Variants in KCNC2 observed in about 807,000 individuals in gnomAD.
KCNC2 encodes voltage-gated potassium channel KCNC2.
KCNC2 carries 21 observed loss-of-function variants against 44.5 expected under a neutral mutation model. The observed-to-expected ratio is 0.47, with a 90% CI of 0.33 to 0.68. The LOEUF is 0.68. KCNC2 is among the 30% of genes least tolerant of loss of function. The probability of loss-of-function intolerance (pLI) is 0.01; values close to 1 mark genes in which losing one functional copy is unlikely to be tolerated. For missense variants in KCNC2, 589 were observed against 826.2 expected, an observed-to-expected ratio of 0.71 and a Z score of 3.52; for synonymous variants, 391 against 339.1, an observed-to-expected ratio of 1.15 and a Z score of -1.68.
chr12:75,149,889 T>A (rs530294801), intron 2 of KCNC2, among the ~76,000 whole-genome samples: 1 of 151,878 alleles, frequency 6.6e-6, no homozygotes, highest in African/African-American at 2.4e-5. Flanking sequence ...TGAGACAAAT[T>A]CAGTAAAAAT....
At position 75,040,562 on chromosome 12, in the gene KCNC2, A is replaced by C. The variant is rs1879796600; in HGVS notation, c.*2543T>G. Reference sequence around the variant, plus strand: ...GTAATAATGATAAAAGACTTAAACTATGAATAATGTTGGTGAGTTCCATTT... The same window carrying C: ...GTAATAATGATAAAAGACTTAAACTCTGAATAATGTTGGTGAGTTCCATTT... On this transcript the variant is annotated 3_prime_UTR_variant, in exon 5 of 5. Coordinates refer to ENST00000549446, the MANE Select transcript of KCNC2 (RefSeq NM_139137.4). The C allele has an allele frequency of 6.5e-6, 1 of 153,296 alleles. No individual in the cohort carries two copies. The highest frequency in any genetic ancestry group is 6.5e-5 in the Admixed American group (1 of 15,432). The allele number at this position is 153,296 out of a possible 1,614,324, so 9.5% of individuals were successfully genotyped here. A position where few individuals can be genotyped will look rare whatever the true frequency, so the allele number is the denominator to read the frequency against.
At chr12:75,043,594 T>A in intron 4 of KCNC2, 1 of 1,238,356 alleles carries the variant, frequency 8.1e-7, no homozygotes, top group Non-Finnish European at 1.0e-6. Context: ...ATTTTTAAAT[T>A]TCAGAATGTA....
chr12:75,138,994 AAAAAAAAAAAAAC>A (rs1266641399), intron 2 of KCNC2, among the ~76,000 whole-genome samples: 4 of 122,816 alleles, frequency 3.3e-5, no homozygotes, highest in Non-Finnish European at 7.4e-5. Context: ...AAAAAAAAAA[AAAAAAAAAAAAAC>A]CAAGAAAGAA....
At chr12:75,060,327 A>T (rs1487892834) in intron 2 of KCNC2, among the ~76,000 whole-genome samples, 1 of 151,906 alleles carries the variant, frequency 6.6e-6, no homozygotes, top group Non-Finnish European at 1.5e-5. Context: ...CCTAGCTTTT[A>T]ATATGCTTTT....
intron 2 of KCNC2, among the ~76,000 whole-genome samples, chr12:75,116,157 G>A (rs1887645894): frequency 6.6e-6 from 1 of 152,188 alleles, no homozygotes; most frequent in African/African-American, 2.4e-5. Flanking sequence ...CTTTACAAAG[G>A]GAGCACAAAA....
chr12:75,083,557 A>G (rs1310578313), intron 2 of KCNC2, among the ~76,000 whole-genome samples: 1 of 151,956 alleles, frequency 6.6e-6, no homozygotes, highest in African/African-American at 2.4e-5. Flanking sequence ...TTTACTAAAA[A>G]TCTCCATCTT....
In KCNC2 at chr12:75,207,918, G is replaced by A. The variant is rs759469657; in HGVS notation, c.66C>T (p.Tyr22=). ...LNVGGTRHET[Y]RSTLKTLPGT... is the part of the protein sequence containing the mutation. ...CAGGCAGGGTCTTGAGGGTGCTGCG[G>A]TAGGTTTCGTGCCGGGTGCCCCCGA... is the stretch of plus-strand genomic sequence containing the variant. Residue 22 remains tyrosine (Y), a synonymous_variant, in exon 2 of 5, where the codon TAC becomes TAT. Coordinates refer to ENST00000549446, the MANE Select transcript of KCNC2 (RefSeq NM_139137.4). The surrounding 1 kb of genome is among the most constrained non-coding windows in gnomAD (Gnocchi z 4.1). 6.2e-7 allele frequency: 1 copy of A among 1,612,882 alleles called. No homozygotes were observed. The highest frequency in any genetic ancestry group is 8.5e-7 in the Non-Finnish European group (1 of 1,179,944).
In KCNC2 at chr12:75,042,928, G is replaced by T; in HGVS notation, c.*177C>A. 2 of 1,403,880 alleles carry T rather than the reference G, an allele frequency of 1.4e-6. No individual in the cohort carries two copies. Among genetic ancestry groups the T allele is most frequent in the South Asian group, 1.7e-5 (1 of 60,494 alleles). 87.0% of individuals were successfully genotyped at this position (1,403,880 alleles called of 1,614,324 possible). The stretch of plus-strand genomic sequence containing the variant: ...CTACTTTAGACAATCTTTAAAGCCT[G>T]GGTAAGATTCATTAGCTACCCAAGT... On this transcript the variant is annotated 3_prime_UTR_variant, in exon 5 of 5. Transcript: ENST00000549446.
intron 2 of KCNC2, chr12:75,124,690 T>C (rs1888278260): frequency 6.6e-6 from 1 of 152,244 alleles, no homozygotes; most frequent in Non-Finnish European, 1.5e-5. Flanking sequence ...TGCTTTCTTA[T>C]TAGTGGTTAT....
At chr12:75,153,630 A>G (rs1890560126) in intron 2 of KCNC2, among the ~76,000 whole-genome samples, 1 of 151,350 alleles carries the variant, frequency 6.6e-6, no homozygotes, top group African/African-American at 2.4e-5. Flanking sequence ...AATAATAATA[A>G]TAATTTTTAA....
At position 75,171,831 on chromosome 12, in the gene KCNC2, A is replaced by G. The variant is rs183330189; in HGVS notation, c.687+35466T>C. Reference sequence around the variant, plus strand: ...TGGATATCTCAGTTAACCTGATTTGATCATTACACTTTGTGTGCAAGTATC... The same window carrying G: ...TGGATATCTCAGTTAACCTGATTTGGTCATTACACTTTGTGTGCAAGTATC... On this transcript the variant is annotated intron_variant, in intron 2 of 4. Coordinates refer to ENST00000549446, the MANE Select transcript of KCNC2 (RefSeq NM_139137.4). 5.1e-4 allele frequency among the ~76,000 whole-genome samples: 77 copies of G among 151,964 alleles called. No homozygotes were observed. The East Asian group carries it at 0.014, about 27-fold the overall frequency.
chr12:75,051,890 C>T (rs1469224219), intron 2 of KCNC2, among the ~76,000 whole-genome samples: 1 of 151,856 alleles, frequency 6.6e-6, no homozygotes, highest in African/African-American at 2.4e-5. Flanking sequence ...CAGGTGGAGA[C>T]TTGTCCAAAA....
chr12:75,177,205 G>A (rs903316018), intron 2 of KCNC2, among the ~76,000 whole-genome samples: 2 of 151,510 alleles, frequency 1.3e-5, no homozygotes, highest in Non-Finnish European at 1.5e-5. Flanking sequence ...GAAGATTTAC[G>A]TTAATGAATT....
intron 2 of KCNC2, among the ~76,000 whole-genome samples, chr12:75,109,876 T>C (rs75610305): frequency 8.5e-5 from 13 of 152,162 alleles, no homozygotes; most frequent in Non-Finnish European, 1.0e-4. Flanking sequence ...GGATATTCTC[T>C]AGATCTTAAA....
intron 2 of KCNC2, among the ~76,000 whole-genome samples, chr12:75,191,776 C>G (rs958722901): frequency 6.6e-6 from 1 of 151,566 alleles, no homozygotes; most frequent in African/African-American, 2.4e-5. Flanking sequence ...GTCTCGATCT[C>G]CTGACCTCAT....
At chr12:75,145,132 A>C (rs1228490978) in intron 2 of KCNC2, among the ~76,000 whole-genome samples, 1 of 152,128 alleles carries the variant, frequency 6.6e-6, no homozygotes, top group African/African-American at 2.4e-5. Context: ...CGAGTCATTT[A>C]TCTGCCCACC....
chr12:75,079,208 T>G (rs1220829576), intron 2 of KCNC2, among the ~76,000 whole-genome samples: 1 of 152,084 alleles, frequency 6.6e-6, no homozygotes, highest in Non-Finnish European at 1.5e-5. Context: ...TGGTATGTTC[T>G]TCCTCCATTG....
intron 2 of KCNC2, among the ~76,000 whole-genome samples, chr12:75,115,448 A>T (rs573018514): frequency 6.6e-6 from 1 of 152,338 alleles, no homozygotes; most frequent in East Asian, 1.9e-4. Context: ...TGTTTTGAAT[A>T]ACTCTAAATT....
At chr12:75,190,090 C>G (rs1203452079) in intron 2 of KCNC2, among the ~76,000 whole-genome samples, 1 of 152,086 alleles carries the variant, frequency 6.6e-6, no homozygotes, top group African/African-American at 2.4e-5. Context: ...AATATGTTAT[C>G]TCATCTAATC....
Sources: allele counts gnomAD v4.1 joint callset (sites outside exome capture counted in the v4.1 genomes callset), GRCh38; gene constraint gnomAD v4.1.1; non-coding constraint Gnocchi (gnomAD v3.1); transcripts MANE v1.5; gene names NCBI Gene and HGNC (gene_info 2026-07-23, HGNC 2026-07-21).